Variants in ADGRV1 observed in about 807,000 individuals in gnomAD.
ADGRV1 encodes the protein adhesion G protein-coupled receptor V1.
Under a neutral mutation model 596.2 loss-of-function variants are expected in ADGRV1, and 359 were observed. That is an observed-to-expected ratio of 0.60 (90% confidence interval 0.55 to 0.66). The LOEUF is 0.66. Ranked by LOEUF, ADGRV1 falls within the 30% of genes least tolerant of loss-of-function variation. The pLI is 0.00. For synonymous variants in ADGRV1, 2,681 were observed against 2,679.2 expected (o/e 1.00, Z -0.02); for missense variants, 7,274 against 7,575.6 (o/e 0.96, Z 1.48).
chr5:91,157,631 G>A (rs887494736), intron 89 of ADGRV1, among the ~76,000 whole-genome samples: 3 of 151,758 alleles, frequency 2.0e-5, no homozygotes, highest in Non-Finnish European at 2.9e-5. Context: ...TTTTTTCTGT[G>A]GCCATAAGAC....
At chr5:90,678,492 C>T (rs1017096455) in intron 25 of ADGRV1, among the ~76,000 whole-genome samples, 1 of 150,562 alleles carries the variant, frequency 6.6e-6, no homozygotes, top group South Asian at 2.1e-4. Context: ...CTTTATAACT[C>T]TTAGTCCATT....
chr5:91,155,033 A>G (rs1271126965), intron 89 of ADGRV1, among the ~76,000 whole-genome samples: 1 of 152,234 alleles, frequency 6.6e-6, no homozygotes, highest in African/African-American at 2.4e-5. Flanking sequence ...GAAAGGAATA[A>G]GAACTCAACC....
intron 84 of ADGRV1, among the ~76,000 whole-genome samples, chr5:90,975,019 C>T (rs1374133718): frequency 6.6e-6 from 1 of 151,684 alleles, no homozygotes; most frequent in African/African-American, 2.4e-5. Context: ...AAACAAACAA[C>T]CCCATCACAA....
rs190862014 is a variant in ADGRV1 at position 91,066,052 on chromosome 5, A to C, written c.18153-6395A>C. On this transcript the variant is annotated intron_variant, in intron 85 of 89. Coordinates refer to ENST00000405460, the MANE Select transcript of ADGRV1 (RefSeq NM_032119.4). ...GTTCTTTGAAGCTGGTTGAGCTGCA[A>C]TTACAGAGAACACATTCTCCTCACC... is the stretch of plus-strand genomic sequence containing the variant. Among the ~76,000 whole-genome samples the C allele has an allele frequency of 1.6e-3, 247 of 152,336 alleles. 1 individual carries two copies. The highest frequency in any genetic ancestry group is 2.6e-3 in the Non-Finnish European group (176 of 68,020).
At chr5:91,054,071 T>TTG (rs769226492) in intron 85 of ADGRV1, among the ~76,000 whole-genome samples, 9,120 of 132,724 alleles carry the variant, frequency 0.069, 326 homozygotes, top group East Asian at 0.089. Flanking sequence ...CTGTGTGTGT[T>TTG]TGTGTGTGTG....
intron 52 of ADGRV1, among the ~76,000 whole-genome samples, chr5:90,747,185 G>A (rs890233315): frequency 5.3e-5 from 8 of 152,140 alleles, no homozygotes; most frequent in African/African-American, 2.4e-5. Flanking sequence ...AATATCTGGG[G>A]TAGGAACATT....
rs1561445053 is a variant in ADGRV1 at position 90,644,001 on chromosome 5, TTA to T, written c.2734+22_2734+23del. 6.9e-7 allele frequency: 1 copy of T among 1,459,300 alleles called. No homozygotes were observed. The highest frequency in any genetic ancestry group is 2.4e-5 in the East Asian group (1 of 42,160). 90.4% of individuals were successfully genotyped at this position (1,459,300 alleles called of 1,614,324 possible). A position where few individuals can be genotyped will look rare whatever the true frequency, so the allele number is the denominator to read the frequency against. On this transcript the variant is annotated intron_variant, in intron 14 of 89. Transcript: ENST00000405460. ...CTATAGTGGTAATTTATTCTGTGTC[TTA>T]TATTGTATTTCTGTTTACTGAAGAA...
intron 50 of ADGRV1, among the ~76,000 whole-genome samples, chr5:90,743,634 G>A (rs995193296): frequency 6.6e-6 from 1 of 151,888 alleles, no homozygotes; most frequent in African/African-American, 2.4e-5. Context: ...ACCATGCCCG[G>A]CTAATTTTTT....
At position 90,759,412 on chromosome 5, in the gene ADGRV1, A is replaced by C; in HGVS notation, c.11944A>C (p.Thr3982Pro). The C allele has an allele frequency of 6.5e-7, 1 of 1,548,706 alleles. No homozygotes were observed. The highest frequency in any genetic ancestry group is 8.8e-7 in the Non-Finnish European group (1 of 1,142,030). The change falls in exon 58 of 90, where the codon ACT becomes CCT. Residue 3982 changes from threonine to proline, a missense_variant. Coordinates refer to ENST00000405460, the MANE Select transcript of ADGRV1 (RefSeq NM_032119.4). ...GILEFADKQVTAMIEITIIDD... is the reference protein window; with the variant it reads ...GILEFADKQVPAMIEITIIDD... ...CCTTCCTTCCTTTCTTTCATAGGTT[A>C]CTGCAATGATAGAAATCACCATAAT...
chr5:90,873,025 G>A (rs976464265), intron 83 of ADGRV1, among the ~76,000 whole-genome samples: 1 of 152,162 alleles, frequency 6.6e-6, no homozygotes, highest in African/African-American at 2.4e-5. Context: ...CCAGGAAGTT[G>A]TGTCTCCTGA....
chr5:91,150,281 G>A, intron 88 of ADGRV1, 60 bp downstream of exon 88: 8 of 1,201,092 alleles, frequency 6.7e-6, no homozygotes, highest in Non-Finnish European at 7.9e-6. Flanking sequence ...CTCTCTCTCT[G>A]TCTGTCTCTC....
intron 41 of ADGRV1, 112 bp from the exon 42 acceptor site, chr5:90,712,175 A>G: frequency 3.3e-6 from 2 of 614,698 alleles, no homozygotes. Context: ...AATTCAATGT[A>G]AAATAGCTTA....
chr5:90,594,667 T>C (rs886725891), intron 1 of ADGRV1, among the ~76,000 whole-genome samples: 7 of 149,090 alleles, frequency 4.7e-5, no homozygotes, highest in Non-Finnish European at 7.4e-5. Context: ...GTACTTGAGA[T>C]TAGGGAGTGG....
At chr5:91,152,420 G>A (rs752849562) in intron 88 of ADGRV1, among the ~76,000 whole-genome samples, 7 of 152,104 alleles carry the variant, frequency 4.6e-5, no homozygotes, top group African/African-American at 7.2e-5. Context: ...TAAAGGATTA[G>A]GAGGATTCTT....
intron 86 of ADGRV1, among the ~76,000 whole-genome samples, chr5:91,096,358 G>T (rs558005024): frequency 6.6e-6 from 1 of 152,256 alleles, no homozygotes; most frequent in South Asian, 2.1e-4. Context: ...TAAATTCGTG[G>T]AAATAATATT....
At chr5:91,040,781 A>T (rs1785274988) in intron 85 of ADGRV1, among the ~76,000 whole-genome samples, 1 of 152,182 alleles carries the variant, frequency 6.6e-6, no homozygotes, top group South Asian at 2.1e-4. Flanking sequence ...TTTGAAGAGT[A>T]ATTATGGAAG....
In ADGRV1 at chr5:90,724,992, A is replaced by G. The variant is rs1488698193; in HGVS notation, c.9906+3A>G. 1 of 1,588,060 alleles carries G rather than the reference A, an allele frequency of 6.3e-7. No individual in the cohort carries two copies. The highest frequency in any genetic ancestry group is 8.5e-7 in the Non-Finnish European group (1 of 1,170,202). ...AGGGGATTTTTATTCCAGTTGAGGTAAACATCAGTATTTTTTTATAGTACA... is the reference window on the plus strand; with the variant it reads ...AGGGGATTTTTATTCCAGTTGAGGTGAACATCAGTATTTTTTTATAGTACA... On this transcript the variant is annotated splice_donor_region_variant and intron_variant, in intron 46 of 89. Transcript: ENST00000405460.
chr5:90,847,332 G>A (rs1257565424), intron 78 of ADGRV1, among the ~76,000 whole-genome samples: 3 of 152,176 alleles, frequency 2.0e-5, no homozygotes, highest in African/African-American at 4.8e-5. Flanking sequence ...TAGACACAGG[G>A]TGCTGATTGG....
At chr5:90,987,881 C>G (rs1214091416) in intron 85 of ADGRV1, among the ~76,000 whole-genome samples, 14 of 152,178 alleles carry the variant, frequency 9.2e-5, no homozygotes, top group Non-Finnish European at 1.8e-4. Flanking sequence ...CTCCAAGTGT[C>G]TTGTTCACTT....
Sources: allele counts gnomAD v4.1 joint callset (sites outside exome capture counted in the v4.1 genomes callset), GRCh38; gene constraint gnomAD v4.1.1; transcripts MANE v1.5; gene names NCBI Gene and HGNC (gene_info 2026-07-23, HGNC 2026-07-21).